TENM3: variants seen among roughly 807,000 people sequenced by gnomAD.
The protein encoded by TENM3 is teneurin transmembrane protein 3.
TENM3 carries 63 observed loss-of-function variants against 255.1 expected under a neutral mutation model. The ratio of observed to expected loss-of-function variants is 0.25; its 90% CI spans 0.20 to 0.30. The LOEUF is 0.30. Ranked by LOEUF, TENM3 falls within the 10% of genes least tolerant of loss-of-function variation. TENM3 has a pLI of 1.00. For synonymous variants in TENM3, 1,306 were observed against 1,322.3 expected, an observed-to-expected ratio of 0.99 and a Z score of 0.27; for missense variants, 2,929 against 3,461.1, an observed-to-expected ratio of 0.85 and a Z score of 3.86.
At chr4:182,523,891 T>C (rs1738846070) in intron 3 of TENM3, among the ~76,000 whole-genome samples, 1 of 152,226 alleles carries the variant, frequency 6.6e-6, no homozygotes, top group Non-Finnish European at 1.5e-5. Context: ...ACTTTATTAC[T>C]TTCTTTTATA....
chr4:182,792,969 G>A lies in TENM3; in HGVS notation c.6297G>A (p.Met2099Ile), dbSNP rs1277219248. 3.1e-6 allele frequency: 5 copies of A among 1,613,760 alleles called. No individual in the cohort carries two copies. Among genetic ancestry groups the A allele is most frequent in the African/African-American group, 1.3e-5 (1 of 74,924 alleles). The change falls in exon 26 of 28, where the codon ATG becomes ATA. Residue 2099 changes from methionine to isoleucine, a missense_variant. Transcript: ENST00000511685. This position sits in a 1 kb window ranked among gnomAD's most constrained non-coding sequence, Gnocchi z 6.3. ...EIQYEIFRSL[M>I]YWITIQYDNM... ...AATATGAGATATTCAGGTCGCTCATGTACTGGATTACAATTCAGTATGATA... is the reference window on the plus strand; with the variant it reads ...AATATGAGATATTCAGGTCGCTCATATACTGGATTACAATTCAGTATGATA...
intron 3 of TENM3, among the ~76,000 whole-genome samples, chr4:182,413,344 C>T (rs72699971): frequency 0.079 from 12,090 of 152,154 alleles, 795 homozygotes; most frequent in East Asian, 0.22. Flanking sequence ...AGGCTGGGCA[C>T]GCTGGCTCAT....
chr4:182,157,836 A>G (rs1750812649), intron 1 of TENM3, among the ~76,000 whole-genome samples: 1 of 152,198 alleles, frequency 6.6e-6, no homozygotes, highest in South Asian at 2.1e-4. Flanking sequence ...GCCCAACTTC[A>G]CGAACAGGTA....
chr4:182,720,623 C>A (rs1040385171), intron 13 of TENM3, among the ~76,000 whole-genome samples: 1 of 152,156 alleles, frequency 6.6e-6, no homozygotes, highest in Non-Finnish European at 1.5e-5. Context: ...GGAAGAACAT[C>A]CAGCTTGTGC....
the TENM3 span, among the ~76,000 whole-genome samples, chr4:181,958,036 C>T: frequency 6.6e-6 from 1 of 152,074 alleles, no homozygotes; most frequent in Non-Finnish European, 1.5e-5. Context: ...AAAAATTAAC[C>T]TTCTCCATTA....
At chr4:181,994,497 G>A in the TENM3 span, among the ~76,000 whole-genome samples, 1 of 146,330 alleles carries the variant, frequency 6.8e-6, no homozygotes, top group Non-Finnish European at 1.5e-5. Context: ...AGCTTCTATT[G>A]TTTTGTTTTC....
In TENM3 at chr4:182,802,103, G is replaced by A. The variant is rs1326643015; in HGVS notation, c.*1752G>A. The A allele has an allele frequency of 1.3e-5, 2 of 152,594 alleles. No individual in the cohort carries two copies. Among genetic ancestry groups the A allele is most frequent in the Non-Finnish European group, 2.9e-5 (2 of 68,042 alleles). The allele number at this position is 152,594 out of a possible 1,614,324, so 9.5% of individuals were successfully genotyped here. A position where few individuals can be genotyped will look rare whatever the true frequency, so the allele number is the denominator to read the frequency against. On this transcript the variant is annotated 3_prime_UTR_variant, in exon 28 of 28. Transcript: ENST00000511685. ...TTGTATGTATCACATACTCTAAATT[G>A]CACAGTAGGCGTGTTTATTAAACAG...
chr4:182,455,564 T>G (rs1427880024), intron 3 of TENM3, among the ~76,000 whole-genome samples: 1 of 138,186 alleles, frequency 7.2e-6, no homozygotes, highest in Non-Finnish European at 1.6e-5. Flanking sequence ...TTTTTTTTTT[T>G]TTTTTTTTTT....
At chr4:182,510,675 T>C (rs955949548) in intron 3 of TENM3, among the ~76,000 whole-genome samples, 9 of 152,224 alleles carry the variant, frequency 5.9e-5, no homozygotes, top group African/African-American at 2.2e-4. Context: ...CTTTAGTTAC[T>C]GTAGAGAATC....
At chr4:182,145,483 A>G (rs1749896122) in intron 1 of TENM3, among the ~76,000 whole-genome samples, 1 of 152,196 alleles carries the variant, frequency 6.6e-6, no homozygotes, top group Admixed American at 6.5e-5. Flanking sequence ...CACGTATTTT[A>G]GGTTGAGGCG....
the TENM3 span, among the ~76,000 whole-genome samples, chr4:181,827,535 C>A: frequency 3.9e-5 from 6 of 152,300 alleles, no homozygotes; most frequent in South Asian, 1.2e-3. Flanking sequence ...GCAACAAATT[C>A]TTTGTTGATG....
chr4:182,404,539 C>G (rs967960684), intron 3 of TENM3, among the ~76,000 whole-genome samples: 1 of 152,110 alleles, frequency 6.6e-6, no homozygotes, highest in African/African-American at 2.4e-5. Context: ...AATCAGAGTG[C>G]GGAGAACTGG....
At chr4:182,331,369 A>T (rs924154917) in intron 2 of TENM3, among the ~76,000 whole-genome samples, 1 of 152,112 alleles carries the variant, frequency 6.6e-6, no homozygotes, top group Non-Finnish European at 1.5e-5. Flanking sequence ...AACATGCAGA[A>T]ACCCGGTCTC....
chr4:182,577,173 C>T (rs540492041), intron 3 of TENM3, among the ~76,000 whole-genome samples: 2 of 152,172 alleles, frequency 1.3e-5, no homozygotes, highest in African/African-American at 2.4e-5. Flanking sequence ...GAGAAGCTTT[C>T]GGAACCCAGC....
the TENM3 span, among the ~76,000 whole-genome samples, chr4:181,719,705 A>G: frequency 6.6e-6 from 1 of 152,202 alleles, no homozygotes; most frequent in Non-Finnish European, 1.5e-5. Context: ...TCAAACATTC[A>G]GCCAGGGGGA....
intron 3 of TENM3, among the ~76,000 whole-genome samples, chr4:182,528,378 G>T (rs1401578453): frequency 2.0e-5 from 3 of 152,140 alleles, no homozygotes; most frequent in African/African-American, 7.2e-5. Context: ...TGGCGCAGGG[G>T]TTTCTCCAGT....
chr4:181,909,536 C>T, the TENM3 span, among the ~76,000 whole-genome samples: 2 of 152,136 alleles, frequency 1.3e-5, no homozygotes, highest in South Asian at 2.1e-4. Flanking sequence ...TGACTCAGCC[C>T]GGCTGCTGTT....
chr4:182,057,407 TC>T, the TENM3 span, among the ~76,000 whole-genome samples: 1 of 147,418 alleles, frequency 6.8e-6, no homozygotes, highest in African/African-American at 2.6e-5. Context: ...TCTTTTCTTT[TC>T]TTTTTTTTTT....
At chr4:182,181,192 A>G (rs142120047) in intron 1 of TENM3, among the ~76,000 whole-genome samples, 1 of 152,318 alleles carries the variant, frequency 6.6e-6, no homozygotes, top group Non-Finnish European at 1.5e-5. Context: ...CGTATACATA[A>G]CTAATCAGGA....
Sources: allele counts gnomAD v4.1 joint callset (sites outside exome capture counted in the v4.1 genomes callset), GRCh38; gene constraint gnomAD v4.1.1; non-coding constraint Gnocchi (gnomAD v3.1); transcripts MANE v1.5; gene names NCBI Gene and HGNC (gene_info 2026-07-23, HGNC 2026-07-21).